Variants in NIN observed in about 807,000 individuals in gnomAD.
NIN encodes ninein.
NIN carries 137 observed loss-of-function variants against 257.6 expected under a neutral mutation model. That is an observed-to-expected ratio of 0.53 (90% CI 0.46 to 0.61). The LOEUF is 0.61. Among genes scored for constraint, NIN ranks in the 20% least tolerant of loss-of-function variants. The pLI is 0.00. For synonymous variants in NIN, 918 were observed against 919.8 expected (o/e 1.00, Z 0.04); for missense variants, 2,439 against 2,501.2 (o/e 0.98, Z 0.53).
At position 50,759,802 on chromosome 14, in the gene NIN, C is replaced by T. The variant is rs550819439; in HGVS notation, c.2399+55G>A. 1.9e-4 allele frequency: 287 copies of T among 1,540,608 alleles called. 3 individuals are homozygous for T. In the African/African-American group the frequency reaches 3.4e-3, roughly 18 times the overall value. On this transcript the variant is annotated intron_variant, in intron 17 of 30. Transcript: ENST00000530997. ...CCGCGCCCAGCCACAACTGGCACTT[C>T]TAATGCCCCGAGGGATGGTGCCCCA...
intron 5 of NIN, among the ~76,000 whole-genome samples, chr14:50,779,188 TTC>T (rs1469549331): frequency 6.6e-6 from 1 of 152,274 alleles, no homozygotes; most frequent in Non-Finnish European, 1.5e-5. Context: ...TACTGAGTGC[TTC>T]TCTTTGTGCT....
intron 24 of NIN, 21 bp from the exon 25 acceptor site, chr14:50,741,749 T>C (rs779020585): frequency 6.2e-7 from 1 of 1,610,738 alleles, no homozygotes; most frequent in South Asian, 1.1e-5. Context: ...AGAATGATCT[T>C]TTACTGCTAC....
chr14:50,829,477 G>A (rs914532988), intron 2 of NIN, among the ~76,000 whole-genome samples: 1 of 152,122 alleles, frequency 6.6e-6, no homozygotes, highest in African/African-American at 2.4e-5. Flanking sequence ...TGGTTCCAGG[G>A]GCTTCCCTCA....
intron 6 of NIN, 56 bp from the exon 7 acceptor site, chr14:50,777,195 CTATTCT>C (rs2042956965): frequency 5.9e-6 from 8 of 1,351,120 alleles, no homozygotes; most frequent in Non-Finnish European, 8.1e-6. Context: ...GAGAGAGTGC[CTATTCT>C]TAAAGAAAAC....
At chr14:50,793,469 C>T (rs969601164) in intron 4 of NIN, among the ~76,000 whole-genome samples, 1 of 151,936 alleles carries the variant, frequency 6.6e-6, no homozygotes, top group Non-Finnish European at 1.5e-5. Context: ...ATATGAAACC[C>T]GGCATCAAGA....
chr14:50,780,709 TG>T (rs2043102202), intron 5 of NIN, among the ~76,000 whole-genome samples: 1 of 152,182 alleles, frequency 6.6e-6, no homozygotes, highest in Non-Finnish European at 1.5e-5. Flanking sequence ...AATGCTGAGA[TG>T]GGTTGTTGCT....
chr14:50,742,555 G>A (rs772345371), intron 24 of NIN, among the ~76,000 whole-genome samples: 17 of 151,850 alleles, frequency 1.1e-4, no homozygotes, highest in East Asian at 5.8e-4. Context: ...CACCGCGCTC[G>A]GCTAATTTTT....
intron 21 of NIN, among the ~76,000 whole-genome samples, chr14:50,748,409 C>A (rs949207497): frequency 1.3e-5 from 2 of 152,144 alleles, no homozygotes; most frequent in African/African-American, 4.8e-5. Flanking sequence ...TGAAAACTGG[C>A]ACAAGACAAG....
chr14:50,753,262 TG>T (rs2041874218), intron 20 of NIN, among the ~76,000 whole-genome samples: 1 of 152,108 alleles, frequency 6.6e-6, no homozygotes. Flanking sequence ...TAGCCGGGTG[TG>T]GTGGCATGTG....
rs1237684569 is a variant in NIN at position 50,722,381 on chromosome 14, T to C, written c.*1082A>G. On this transcript the variant is annotated 3_prime_UTR_variant, in exon 31 of 31. Transcript: ENST00000530997. ...TAAACTCTTCTATAAGTCAGGTTTTTAACCCTAAAATCAAGGCCTTTTTTC... is the reference window on the plus strand; with the variant it reads ...TAAACTCTTCTATAAGTCAGGTTTTCAACCCTAAAATCAAGGCCTTTTTTC... 2 of 213,714 alleles carry C rather than the reference T, an allele frequency of 9.4e-6. No homozygotes were observed. Among genetic ancestry groups the C allele is most frequent in the African/African-American group, 4.5e-5 (2 of 44,232 alleles). 13.2% of individuals were successfully genotyped at this position (213,714 alleles called of 1,614,324 possible).
intron 2 of NIN, among the ~76,000 whole-genome samples, chr14:50,829,850 T>A (rs948595659): frequency 6.6e-6 from 1 of 152,198 alleles, no homozygotes; most frequent in East Asian, 1.9e-4. Flanking sequence ...CATCACCTAG[T>A]GTCCTTCTGT....
intron 3 of NIN, among the ~76,000 whole-genome samples, chr14:50,815,481 G>A (rs2044850041): frequency 6.6e-6 from 1 of 152,174 alleles, no homozygotes; most frequent in African/African-American, 2.4e-5. Flanking sequence ...AGATAGTGTG[G>A]TGATTCCTCA....
rs541990007 is a variant in NIN, at chr14:50,814,862, C to T, written c.183+7012G>A. ...TATGCAGAAAATTGGAACTGGACCC[C>T]TTCCTTACACATTATACAAAAATTA... On this transcript the variant is annotated intron_variant, in intron 3 of 30. Transcript: ENST00000530997. Among the ~76,000 whole-genome samples, 3 of 152,260 alleles carry T rather than the reference C, an allele frequency of 2.0e-5. No individual in the cohort carries two copies. In the South Asian group the frequency reaches 6.2e-4, roughly 32 times the overall value.
chr14:50,759,907 C>T lies in NIN; in HGVS notation c.2349G>A (p.Glu783=). 2 of 1,613,834 alleles carry T rather than the reference C, an allele frequency of 1.2e-6. No homozygotes were observed. The highest frequency in any genetic ancestry group is 1.7e-6 in the Non-Finnish European group (2 of 1,179,922). The change falls in exon 17 of 31, where the codon GAG becomes GAA. Residue 783 remains glutamate (E), a synonymous_variant. Transcript: ENST00000530997. ...GCTTTTCCAAGAGCTCTTTTCTTAACTCCTCTTTCTCAAGAGTGTGTTTCT... is the reference window on the plus strand; with the variant it reads ...GCTTTTCCAAGAGCTCTTTTCTTAATTCCTCTTTCTCAAGAGTGTGTTTCT... ...LVEKHTLEKE[E]LRKELLEKHQ... is the part of the protein sequence containing the mutation.
chr14:50,794,835 C>G (rs2043766567), intron 4 of NIN, among the ~76,000 whole-genome samples: 1 of 151,620 alleles, frequency 6.6e-6, no homozygotes, highest in African/African-American at 2.4e-5. Flanking sequence ...AATCCCAAAC[C>G]TACCGGTGGA....
intron 2 of NIN, among the ~76,000 whole-genome samples, chr14:50,825,784 CA>C (rs1298028482): frequency 1.3e-5 from 2 of 152,212 alleles, no homozygotes; most frequent in African/African-American, 4.8e-5. Flanking sequence ...CAGTACTAAG[CA>C]GTAGAAATCC....
At position 50,791,810 on chromosome 14, in the gene NIN, C is replaced by CACACAAACACAA. The variant is rs372424348; in HGVS notation, c.435+901_435+902insTTGTGTTTGTGT. Among the ~76,000 whole-genome samples the CACACAAACACAA allele has an allele frequency of 5.0e-5, 7 of 140,128 alleles. No homozygotes were observed. In the South Asian group the frequency reaches 6.5e-4, roughly 13 times the overall value. 91.9% of individuals were successfully genotyped at this position (140,128 alleles called of 152,430 possible). On this transcript the variant is annotated intron_variant, in intron 5 of 30. Coordinates refer to ENST00000530997, the MANE Select transcript of NIN (RefSeq NM_020921.4). Reference sequence around the variant, plus strand: ...CAATGAACACACAGGTGCACGCGCACACACACACACACACACACACACACA... The same window carrying CACACAAACACAA: ...CAATGAACACACAGGTGCACGCGCACACACAAACACAAACACACACACACACACACACACACA...
At chr14:50,815,210 C>A (rs2044830957) in intron 3 of NIN, among the ~76,000 whole-genome samples, 1 of 152,126 alleles carries the variant, frequency 6.6e-6, no homozygotes, top group Non-Finnish European at 1.5e-5. Context: ...AAACAAACAA[C>A]CCCATTAAAA....
intron 4 of NIN, among the ~76,000 whole-genome samples, chr14:50,805,592 C>G (rs966723424): frequency 6.6e-6 from 1 of 152,192 alleles, no homozygotes; most frequent in African/African-American, 2.4e-5. Flanking sequence ...GATCACCCGG[C>G]AAGGGTGAGA....
Sources: allele counts gnomAD v4.1 joint callset (sites outside exome capture counted in the v4.1 genomes callset), GRCh38; gene constraint gnomAD v4.1.1; transcripts MANE v1.5; gene names NCBI Gene and HGNC (gene_info 2026-07-23, HGNC 2026-07-21).